Variants in CPVL observed in about 807,000 individuals in gnomAD.
The protein encoded by CPVL is probable serine carboxypeptidase CPVL.
In CPVL, 51 loss-of-function variants were observed where a neutral mutation model predicts 63.7. The observed-to-expected ratio is 0.80, with a 90% confidence interval of 0.64 to 1.01. The LOEUF (loss-of-function observed/expected upper bound fraction) is 1.01, where lower values mean the gene tolerates loss of function less well. Ranked by LOEUF, CPVL falls within the 50% of genes least tolerant of loss-of-function variation. The pLI is 0.00. For synonymous variants in CPVL, 195 were observed against 206.0 expected, an observed-to-expected ratio of 0.95 and a Z score of 0.46; for missense variants, 530 against 573.1, an observed-to-expected ratio of 0.92 and a Z score of 0.77.
chr7:29,093,927 T>C (rs1786120037), intron 5 of CPVL, among the ~76,000 whole-genome samples: 1 of 152,210 alleles, frequency 6.6e-6, no homozygotes, highest in Admixed American at 6.5e-5. Context: ...ATACTCCAAA[T>C]CTGTAGAAGC....
chr7:29,149,122 A>G (rs1211770790), upstream of CPVL, among the ~76,000 whole-genome samples: 1 of 150,994 alleles, frequency 6.6e-6, no homozygotes, highest in African/African-American at 2.4e-5. Context: ...CAGCTTGGAA[A>G]GGGCAAGAAT....
rs866476535 is a variant in CPVL, at chr7:29,045,874, C to T, written c.1138-15115G>A. On this transcript the variant is annotated intron_variant, in intron 11 of 12. Coordinates refer to ENST00000265394, the MANE Select transcript of CPVL (RefSeq NM_031311.5). ...AAGTCACATTTATTACTCAGGAACTCGCCATTCCTAAAGGAAGATCTTTTG... is the reference window on the plus strand; with the variant it reads ...AAGTCACATTTATTACTCAGGAACTTGCCATTCCTAAAGGAAGATCTTTTG... Among the ~76,000 whole-genome samples, 7 of 152,150 alleles carry T rather than the reference C, an allele frequency of 4.6e-5. No individual in the cohort carries two copies. In the Middle Eastern group the frequency reaches 0.017, roughly 372 times the overall value.
intron 1 of CPVL, among the ~76,000 whole-genome samples, chr7:29,140,264 A>G (rs1329924356): frequency 1.3e-5 from 2 of 152,130 alleles, no homozygotes; most frequent in Non-Finnish European, 1.5e-5. Flanking sequence ...ATGTGGCAAG[A>G]CCCTGTCTCA....
At chr7:29,104,691 C>T (rs1055856220) in intron 3 of CPVL, among the ~76,000 whole-genome samples, 4 of 152,204 alleles carry the variant, frequency 2.6e-5, no homozygotes, top group African/African-American at 7.2e-5. Flanking sequence ...TCCTTCCTAA[C>T]CTTTCTACCT....
intron 12 of CPVL, among the ~76,000 whole-genome samples, chr7:29,015,126 T>C (rs1786274076): frequency 6.6e-6 from 1 of 152,230 alleles, no homozygotes; most frequent in South Asian, 2.1e-4. Flanking sequence ...GAAGCTGTGG[T>C]CGTTACTGCT....
chr7:29,013,854 A>G (rs774111912), intron 12 of CPVL, among the ~76,000 whole-genome samples: 9 of 152,224 alleles, frequency 5.9e-5, no homozygotes, highest in Non-Finnish European at 8.8e-5. Context: ...GGGGCAGCCC[A>G]AATTTGGTGA....
intron 4 of CPVL, among the ~76,000 whole-genome samples, chr7:29,183,732 G>A (rs531416863): frequency 7.6e-4 from 116 of 152,244 alleles, no homozygotes; most frequent in Non-Finnish European, 1.1e-3. Context: ...GAACCAATAA[G>A]AGAGATATAT....
intron 12 of CPVL, among the ~76,000 whole-genome samples, chr7:29,002,470 TA>T (rs1366313459): frequency 6.6e-6 from 1 of 152,186 alleles, no homozygotes; most frequent in Non-Finnish European, 1.5e-5. Context: ...TTTCTTCATA[TA>T]TTTTTTGTAC....
At chr7:29,013,596 A>G (rs927669026) in intron 12 of CPVL, among the ~76,000 whole-genome samples, 10 of 152,244 alleles carry the variant, frequency 6.6e-5, no homozygotes, top group Non-Finnish European at 1.5e-4. Flanking sequence ...CCAAGTTCCC[A>G]TATTAGGCAA....
intron 12 of CPVL, among the ~76,000 whole-genome samples, chr7:29,020,333 T>C (rs565919030): frequency 2.0e-4 from 30 of 152,328 alleles, no homozygotes; most frequent in Non-Finnish European, 1.2e-4. Context: ...CCCTGGCAGC[T>C]CAACATTCAA....
intron 5 of CPVL, among the ~76,000 whole-genome samples, chr7:29,162,540 A>G (rs1157424129): frequency 2.0e-5 from 3 of 152,210 alleles, no homozygotes; most frequent in East Asian, 3.9e-4. Flanking sequence ...GCATGCCTGT[A>G]ATCCCAACTA....
At chr7:29,042,589 T>A (rs1483954569) in intron 11 of CPVL, among the ~76,000 whole-genome samples, 1 of 152,078 alleles carries the variant, frequency 6.6e-6, no homozygotes, top group Non-Finnish European at 1.5e-5. Flanking sequence ...TGGGCAACAG[T>A]GAGACCCTGT....
At chr7:29,005,026 A>G (rs1250136546) in intron 12 of CPVL, among the ~76,000 whole-genome samples, 1 of 150,836 alleles carries the variant, frequency 6.6e-6, no homozygotes, top group Non-Finnish European at 1.5e-5. Context: ...CCTCCCGAGT[A>G]GCTGGGATTA....
At chr7:29,108,922 G>A (rs17676979) in intron 3 of CPVL, among the ~76,000 whole-genome samples, 30,097 of 152,068 alleles carry the variant, frequency 0.2, 3,434 homozygotes, top group Admixed American at 0.25. Flanking sequence ...AACACATGAC[G>A]GCCAAGCTCA....
In CPVL at chr7:29,030,911, G is replaced by A. The variant is rs1388688427; in HGVS notation, c.1138-152C>T. The A allele has an allele frequency of 1.3e-5, 9 of 677,872 alleles. No individual in the cohort carries two copies. The East Asian group carries it at 1.4e-4, about 11-fold the overall frequency. 42.0% of individuals were successfully genotyped at this position (677,872 alleles called of 1,614,324 possible). ...AGTTAGCCATAAAGAATAACAATCC[G>A]AAATAAACTCAAGCCTTGTCTCTAC... On this transcript the variant is annotated intron_variant, in intron 11 of 12. Coordinates refer to ENST00000265394, the MANE Select transcript of CPVL (RefSeq NM_031311.5).
At chr7:29,097,178 G>A (rs145564863) in intron 3 of CPVL, among the ~76,000 whole-genome samples, 2,036 of 152,210 alleles carry the variant, frequency 0.013, 23 homozygotes, top group Admixed American at 0.025. Flanking sequence ...AAGGGTATTG[G>A]CAGGGCGGTG....
intron 11 of CPVL, among the ~76,000 whole-genome samples, chr7:29,044,819 T>C (rs1789460336): frequency 6.6e-6 from 1 of 152,078 alleles, no homozygotes; most frequent in Non-Finnish European, 1.5e-5. Flanking sequence ...TTTCTTAGCT[T>C]ACTGGGTTTT....
intron 12 of CPVL, among the ~76,000 whole-genome samples, chr7:28,997,240 C>G (rs2128121142): frequency 6.6e-6 from 1 of 152,222 alleles, no homozygotes; most frequent in South Asian, 2.1e-4. Flanking sequence ...ACAGGAGGTA[C>G]CAGTGCATGA....
chr7:29,156,969 C>T (rs1404970641), intron 5 of CPVL, among the ~76,000 whole-genome samples: 8 of 152,138 alleles, frequency 5.3e-5, no homozygotes, highest in Admixed American at 1.3e-4. Context: ...AGCTACCCTT[C>T]GAGCTCAATT....
Sources: gnomAD v4.1 joint callset for allele counts (sites outside exome capture counted in the v4.1 genomes callset) on GRCh38, gnomAD v4.1.1 for gene constraint, MANE v1.5 for transcripts, NCBI Gene and HGNC (gene_info 2026-07-23, HGNC 2026-07-21) for gene names.